Variants in TBC1D2 observed in about 807,000 individuals in gnomAD.
TBC1D2 encodes the protein TBC1 domain family member 2A.
TBC1D2 carries 58 observed loss-of-function variants against 91.1 expected under a neutral mutation model. The observed-to-expected ratio is 0.64, with a 90% confidence interval of 0.52 to 0.79. TBC1D2 has a LOEUF of 0.79. Among genes scored for constraint, TBC1D2 ranks in the 30% least tolerant of loss-of-function variants. The probability of loss-of-function intolerance (pLI) is 0.00; values close to 1 mark genes in which losing one functional copy is unlikely to be tolerated. For missense variants in TBC1D2, 1,080 were observed against 1,208.3 expected, an observed-to-expected ratio of 0.89 and a Z score of 1.57; for synonymous variants, 482 against 511.5, an observed-to-expected ratio of 0.94 and a Z score of 0.78.
intron 1 of TBC1D2, 150 bp downstream of exon 1, chr9:98,255,023 G>T: frequency 7.6e-7 from 1 of 1,319,212 alleles, no homozygotes; most frequent in Non-Finnish European, 1.0e-6. Context: ...GAAATGGGTG[G>T]GAATGCACTT....
At position 98,201,461 on chromosome 9, in the gene TBC1D2, C is replaced by G; in HGVS notation, c.2457+18G>C. ...ACTTGCTCAGGGGCCCCCTGCCCAT[C>G]CCCTGGCTGCACCCTACCTTCGTCC... On this transcript the variant is annotated intron_variant, in intron 11 of 12. Coordinates refer to ENST00000465784, the MANE Select transcript of TBC1D2 (RefSeq NM_001267571.2). 1 of 1,608,870 alleles carries G rather than the reference C, an allele frequency of 6.2e-7. No individual in the cohort carries two copies. Among genetic ancestry groups the G allele is most frequent in the Non-Finnish European group, 8.5e-7 (1 of 1,176,354 alleles).
intron 9 of TBC1D2, among the ~76,000 whole-genome samples, chr9:98,204,601 G>C (rs753326612): frequency 9.9e-5 from 15 of 152,146 alleles, no homozygotes; most frequent in Non-Finnish European, 1.9e-4. Context: ...TTCTTTTGAG[G>C]CTCACAACTC....
Position 98,233,937 on chromosome 9 carries a change from T to C in TBC1D2, c.648-388A>G, listed in dbSNP as rs570929984. Among the ~76,000 whole-genome samples, 77 of 152,332 alleles carry C rather than the reference T, an allele frequency of 5.1e-4. 2 individuals are homozygous for C. In the South Asian group the frequency reaches 0.01, roughly 20 times the overall value. On this transcript the variant is annotated intron_variant, in intron 3 of 12. Coordinates refer to ENST00000465784, the MANE Select transcript of TBC1D2 (RefSeq NM_001267571.2). Reference sequence around the variant, plus strand: ...TAATATGGGTGTGTTGAGTGAATGCTGAATGGACTTGCTGAACCAACTTTC... The same window carrying C: ...TAATATGGGTGTGTTGAGTGAATGCCGAATGGACTTGCTGAACCAACTTTC...
chr9:98,242,484 A>G (rs1829665229), intron 3 of TBC1D2, among the ~76,000 whole-genome samples: 1 of 151,810 alleles, frequency 6.6e-6, no homozygotes. Flanking sequence ...AAGAAAAGAA[A>G]CGCCCAAACA....
Position 98,201,486 on chromosome 9 carries a change from C to A in TBC1D2, c.2450G>T (p.Gly817Val), listed in dbSNP as rs762968935. 8.7e-6 allele frequency: 14 copies of A among 1,613,706 alleles called. No homozygotes were observed. In the Admixed American group the frequency reaches 2.3e-4, roughly 27 times the overall value. The change falls in exon 11 of 13, where the codon GGG becomes GTG. Residue 817 changes from glycine (G) to valine (V), a missense_variant. Physicochemically the swap from Gly to Val is moderately radical, Grantham distance 109. Coordinates refer to ENST00000465784, the MANE Select transcript of TBC1D2 (RefSeq NM_001267571.2). ...CCCCTGGCTGCACCCTACCTTCGTC[C>A]CCTCGTACAGGAAGGCATCCCAGAC... ...LRVWDAFLYE[G>V]TKVVFRYALA...
rs36035887 is a variant in TBC1D2 at position 98,242,803 on chromosome 9, C to CTTTTTTTTTTTTT, written c.647+1178_647+1190dup. On this transcript the variant is annotated intron_variant, in intron 3 of 12. Coordinates refer to ENST00000465784, the MANE Select transcript of TBC1D2 (RefSeq NM_001267571.2). ...TCCAAAGCCCAGGCCACACTGCTGC[C>CTTTTTTTTTTTTT]TTTTTTTTTTTTTTTTTTTTTTTTT... 9.6e-5 allele frequency among the ~76,000 whole-genome samples: 8 copies of CTTTTTTTTTTTTT among 83,172 alleles called. 3 individuals are homozygous for CTTTTTTTTTTTTT. Among genetic ancestry groups the CTTTTTTTTTTTTT allele is most frequent in the African/African-American group, 3.7e-4 (7 of 19,026 alleles). The allele number at this position is 83,172 out of a possible 152,430, so 54.6% of individuals were successfully genotyped here.
At chr9:98,207,706 A>C (rs1397019742) in intron 9 of TBC1D2, among the ~76,000 whole-genome samples, 1 of 152,242 alleles carries the variant, frequency 6.6e-6, no homozygotes, top group African/African-American at 2.4e-5. Context: ...GAATGAATGG[A>C]CAGAGGCTGG....
rs539060424 is a variant in TBC1D2 at position 98,228,338 on chromosome 9, G to A, written c.978+614C>T. Reference sequence around the variant, plus strand: ...GCTTTTAATACCATTTACTCTCTGGGATGTAGGATTTTGGAGTAGTTTTAA... The same window carrying A: ...GCTTTTAATACCATTTACTCTCTGGAATGTAGGATTTTGGAGTAGTTTTAA... On this transcript the variant is annotated intron_variant, in intron 5 of 12. Coordinates refer to ENST00000465784, the MANE Select transcript of TBC1D2 (RefSeq NM_001267571.2). This position sits in a 1 kb window ranked among gnomAD's most constrained non-coding sequence, Gnocchi z 4.0. Among the ~76,000 whole-genome samples the A allele has an allele frequency of 5.3e-5, 8 of 152,338 alleles. No homozygotes were observed. Among genetic ancestry groups the A allele is most frequent in the South Asian group, 4.1e-4 (2 of 4,830 alleles).
At chr9:98,205,546 CCTTTT>C (rs974171135) in intron 9 of TBC1D2, among the ~76,000 whole-genome samples, 1 of 152,078 alleles carries the variant, frequency 6.6e-6, no homozygotes, top group African/African-American at 2.4e-5. Flanking sequence ...ACATGCAGTT[CCTTTT>C]CTTTTCTTTT....
intron 9 of TBC1D2, among the ~76,000 whole-genome samples, 190 bp from the exon 10 acceptor site, chr9:98,203,598 C>T (rs1377276852): frequency 6.6e-6 from 1 of 152,166 alleles, no homozygotes; most frequent in African/African-American, 2.4e-5. Flanking sequence ...GGGAGGATGA[C>T]CGGCGATTTC....
intron 12 of TBC1D2, among the ~76,000 whole-genome samples, chr9:98,199,846 G>A (rs562850570): frequency 1.8e-4 from 27 of 152,320 alleles, no homozygotes; most frequent in South Asian, 4.1e-4. Context: ...GGTGACCCAC[G>A]TGTGAGCTGA....
rs767174002 is a variant in TBC1D2 at position 98,201,698 on chromosome 9, C to T, written c.2272-34G>A. On this transcript the variant is annotated intron_variant, in intron 10 of 12. Transcript: ENST00000465784. ...CAGCGAGAGGGCCTGTCATCTGCAG[C>T]CCCAGCGTAGGGCTGCCTCCCTCCC... is the stretch of plus-strand genomic sequence containing the variant. 8 of 1,588,342 alleles carry T rather than the reference C, an allele frequency of 5.0e-6. No homozygotes were observed. The East Asian group carries it at 9.0e-5, about 18-fold the overall frequency.
At position 98,229,022 on chromosome 9, in the gene TBC1D2, G is replaced by A. The variant is rs763819471; in HGVS notation, c.908C>T (p.Thr303Ile). ...CAAGGCTGCCACTTTCTCCTGGGCA[G>A]TTCGGTTCCGTGTGATTCCTTCAGA... ...FFSEGITRNR[T>I]AQEKVAALEQ... is the part of the protein sequence containing the mutation. The change falls in exon 5 of 13, where the codon ACT (threonine) becomes ATT (isoleucine). Residue 303 changes from threonine (T) to isoleucine (I), a missense_variant. By Grantham distance (89) the Thr-to-Ile change is moderately conservative. Coordinates refer to ENST00000465784, the MANE Select transcript of TBC1D2 (RefSeq NM_001267571.2). 6.2e-7 allele frequency: 1 copy of A among 1,614,230 alleles called. No homozygotes were observed. Among genetic ancestry groups the A allele is most frequent in the South Asian group, 1.1e-5 (1 of 91,088 alleles).
chr9:98,207,713 C>G (rs1300778965), intron 9 of TBC1D2, among the ~76,000 whole-genome samples: 1 of 152,230 alleles, frequency 6.6e-6, no homozygotes, highest in African/African-American at 2.4e-5. Context: ...TGGACAGAGG[C>G]TGGTCTGCTG....
rs764211686 is a variant in TBC1D2 at position 98,213,103 on chromosome 9, C to T, written c.1485+5G>A. On this transcript the variant is annotated splice_donor_5th_base_variant and intron_variant, in intron 7 of 12. Transcript: ENST00000465784. The stretch of plus-strand genomic sequence containing the variant: ...AGACGGCTGGAATAGGGCCCCACCC[C>T]GCACCTTCGTCAGAAGGGCCTTCTC... 15 of 1,613,780 alleles carry T rather than the reference C, an allele frequency of 9.3e-6. 1 individual carries two copies. The highest frequency in any genetic ancestry group is 3.3e-5 in the Admixed American group (2 of 59,972).
At chr9:98,227,140 C>T (rs982120213) in intron 5 of TBC1D2, among the ~76,000 whole-genome samples, 6 of 152,226 alleles carry the variant, frequency 3.9e-5, no homozygotes, top group African/African-American at 1.2e-4. Context: ...TCAGGAGCGT[C>T]CAGCAGCCTC....
chr9:98,207,874 G>A (rs1356190186), intron 9 of TBC1D2, among the ~76,000 whole-genome samples: 1 of 152,214 alleles, frequency 6.6e-6, no homozygotes, highest in Non-Finnish European at 1.5e-5. Flanking sequence ...TTGTGCAGGG[G>A]TGCAGCCCTG....
intron 4 of TBC1D2, 86 bp downstream of exon 4, chr9:98,233,330 C>T (rs1310960969): frequency 1.1e-5 from 17 of 1,510,774 alleles, no homozygotes; most frequent in Non-Finnish European, 1.5e-5. Context: ...AGCACAAATG[C>T]TGGTTCGCTG....
Position 98,253,981 on chromosome 9 carries a change from G to T in TBC1D2, c.369+1192C>A, listed in dbSNP as rs117338374. Among the ~76,000 whole-genome samples, 60 of 152,318 alleles carry T rather than the reference G, an allele frequency of 3.9e-4. No individual in the cohort carries two copies. In the East Asian group the frequency reaches 0.011, roughly 27 times the overall value. ...AGACCCTGCATACAGCAGTCAACCT[G>T]TGGAAGAGACACATAGACCCGGGAA... On this transcript the variant is annotated intron_variant, in intron 1 of 12. Transcript: ENST00000465784.
Sources: allele counts gnomAD v4.1 joint callset (sites outside exome capture counted in the v4.1 genomes callset), GRCh38; gene constraint gnomAD v4.1.1; non-coding constraint Gnocchi (gnomAD v3.1); transcripts MANE v1.5; gene names NCBI Gene and HGNC (gene_info 2026-07-23, HGNC 2026-07-21).